NLRP5: variants seen among roughly 807,000 people sequenced by gnomAD.
The protein encoded by NLRP5 is NLR family pyrin domain containing 5.
A neutral mutation model predicts 113.1 loss-of-function variants in NLRP5; 93 were observed. The ratio of observed to expected loss-of-function variants is 0.82; its 90% CI spans 0.70 to 0.98. The LOEUF is 0.98. Ranked by LOEUF, NLRP5 falls within the 50% of genes least tolerant of loss-of-function variation. The pLI is 0.00. For missense variants in NLRP5, 1,808 were observed against 1,514.3 expected (o/e 1.19, Z -3.22); for synonymous variants, 751 against 600.7 (o/e 1.25, Z -3.66).
chr19:56,026,196 C>T (rs879525), intron 6 of NLRP5, among the ~76,000 whole-genome samples: 3,204 of 152,102 alleles, frequency 0.021, 106 homozygotes, highest in African/African-American at 0.073. Flanking sequence ...CACTGATGCT[C>T]GGTCCAGGGT....
intron 11 of NLRP5, among the ~76,000 whole-genome samples, chr19:56,049,551 T>A (rs1038068717): frequency 3.6e-4 from 54 of 152,030 alleles, no homozygotes; most frequent in African/African-American, 1.3e-3. Context: ...CTGGTGATCC[T>A]CCCGCCTTGG....
At position 56,041,191 on chromosome 19, in the gene NLRP5, C is replaced by A. The variant is rs1247932254; in HGVS notation, c.2957+99C>A. On this transcript the variant is annotated intron_variant, in intron 11 of 14. Coordinates refer to ENST00000390649, the MANE Select transcript of NLRP5 (RefSeq NM_153447.4). ...GGCAGTGGGGAGGGGGTGTGGACAT[C>A]ATCACATGAAGGGACCTGGTATATG... 8 of 1,169,960 alleles carry A rather than the reference C, an allele frequency of 6.8e-6. No individual in the cohort carries two copies. The East Asian group carries it at 1.7e-4, about 24-fold the overall frequency. 72.5% of individuals were successfully genotyped at this position (1,169,960 alleles called of 1,614,324 possible).
intron 11 of NLRP5, among the ~76,000 whole-genome samples, chr19:56,049,245 T>C (rs1983843167): frequency 2.0e-5 from 3 of 152,004 alleles, no homozygotes; most frequent in Middle Eastern, 6.8e-3. Flanking sequence ...AATGGTGCAA[T>C]CTCAGCTCAC....
Position 56,028,318 on chromosome 19 carries a change from A to G in NLRP5, c.2085A>G (p.Gln695=). ...CCTTCCACTGTCTTTTCGAGACTCA[A>G]GACAAAGAGTTTGTTCGCTTGGCAT... Residue 695 remains glutamine, a synonymous_variant, in exon 7 of 15, where the codon CAA becomes CAG. Transcript: ENST00000390649. 1 of 1,613,998 alleles carries G rather than the reference A, an allele frequency of 6.2e-7. No homozygotes were observed.
rs776938844 is a variant in NLRP5 at position 56,005,509 on chromosome 19, CAT to C, written c.442+1421_442+1422del. ...CACACGCAGGTGGCATGCCTGTACA[CAT>C]ATATATTTATACACACACACGCACA... On this transcript the variant is annotated intron_variant, in intron 2 of 14. Transcript: ENST00000390649. 1.4e-3 allele frequency among the ~76,000 whole-genome samples: 209 copies of C among 147,990 alleles called. 5 individuals are homozygous for C. The highest frequency in any genetic ancestry group is 3.0e-3 in the Admixed American group (45 of 14,784).
chr19:56,052,921 C>T (rs985840384), intron 12 of NLRP5, among the ~76,000 whole-genome samples: 4 of 152,202 alleles, frequency 2.6e-5, no homozygotes, highest in African/African-American at 9.6e-5. Context: ...GCAAACTCTG[C>T]TGTGCTCATT....
At chr19:56,015,989 G>T (rs913315797) in intron 4 of NLRP5, among the ~76,000 whole-genome samples, 191 bp downstream of exon 4, 2 of 152,070 alleles carry the variant, frequency 1.3e-5, no homozygotes, top group Non-Finnish European at 2.9e-5. Context: ...CGTTCACTAC[G>T]ATTATTTTCA....
chr19:56,005,130 T>C (rs1402283382), intron 2 of NLRP5, among the ~76,000 whole-genome samples: 1 of 144,854 alleles, frequency 6.9e-6, no homozygotes, highest in Non-Finnish European at 1.5e-5. Flanking sequence ...ATATATAATA[T>C]ATACACACAC....
Position 56,027,452 on chromosome 19 carries a change from G to C in NLRP5, c.1219G>C (p.Val407Leu). ...CCTGCTCCCTGAGTCCTTCCTGATC[G>C]TCACCGTCAGAGACGTGGGCACAGA... Residue 407 changes from valine to leucine, a missense_variant, in exon 7 of 15, where the codon GTC (valine) becomes CTC (leucine). Coordinates refer to ENST00000390649, the MANE Select transcript of NLRP5 (RefSeq NM_153447.4). 1.2e-6 allele frequency: 2 copies of C among 1,613,640 alleles called. No homozygotes were observed. Among genetic ancestry groups the C allele is most frequent in the Non-Finnish European group, 1.7e-6 (2 of 1,179,778 alleles).
At chr19:56,016,663 C>A (rs373933976) in intron 4 of NLRP5, among the ~76,000 whole-genome samples, 1 of 152,110 alleles carries the variant, frequency 6.6e-6, no homozygotes, top group South Asian at 2.1e-4. Flanking sequence ...ATTCTGAGTT[C>A]GACATTTTTA....
chr19:56,030,711 C>CTTTTTTTTTTTTTTTTTTTTTTTTTTTT lies in NLRP5; in HGVS notation c.2277-1898_2277-1897insTTTTTTTTTTTTTTTTTTTTTTTTTTTT, dbSNP rs1251579019. Among the ~76,000 whole-genome samples the CTTTTTTTTTTTTTTTTTTTTTTTTTTTT allele has an allele frequency of 6.3e-5, 3 of 47,766 alleles. 1 individual carries two copies. The highest frequency in any genetic ancestry group is 1.8e-4 in the African/African-American group (1 of 5,600). The allele number at this position is 47,766 out of a possible 152,430, so 31.3% of individuals were successfully genotyped here. ...TATACTTACATTCATTCGCTTTCTT[C>CTTTTTTTTTTTTTTTTTTTTTTTTTTTT]TTCTTTTTTTTTTTTTTTTTTGAGA... On this transcript the variant is annotated intron_variant, in intron 7 of 14. Transcript: ENST00000390649.
chr19:56,033,261 CAAA>C (rs545337812), intron 8 of NLRP5, among the ~76,000 whole-genome samples: 331 of 150,564 alleles, frequency 2.2e-3, no homozygotes, highest in African/African-American at 7.9e-3. Flanking sequence ...AAACAAAAAA[CAAA>C]AAAAAACCTT....
chr19:56,004,535 A>G (rs1005354655), intron 2 of NLRP5, among the ~76,000 whole-genome samples: 2 of 152,134 alleles, frequency 1.3e-5, no homozygotes, highest in African/African-American at 4.8e-5. Flanking sequence ...TCATTGGTTG[A>G]TAACATTGGT....
the NLRP5 span, among the ~76,000 whole-genome samples, chr19:55,990,213 C>G: frequency 6.6e-6 from 1 of 150,576 alleles, no homozygotes; most frequent in Non-Finnish European, 1.5e-5. Context: ...CTCAGCCTCC[C>G]GAGTAGCTGG....
chr19:56,010,343 C>T lies in NLRP5; in HGVS notation c.508+1490C>T, dbSNP rs139053826. 4.2e-3 allele frequency among the ~76,000 whole-genome samples: 646 copies of T among 152,260 alleles called. 4 individuals are homozygous for T. Among genetic ancestry groups the T allele is most frequent in the African/African-American group, 0.014 (596 of 41,558 alleles). The stretch of plus-strand genomic sequence containing the variant: ...AAGACCTGACTGCAGGTGTTATCCA[C>T]GTACAAAGATGAAGGCCATCAGAGA... On this transcript the variant is annotated intron_variant, in intron 3 of 14. Coordinates refer to ENST00000390649, the MANE Select transcript of NLRP5 (RefSeq NM_153447.4).
At chr19:56,047,755 A>G (rs1357516919) in intron 11 of NLRP5, among the ~76,000 whole-genome samples, 1 of 152,170 alleles carries the variant, frequency 6.6e-6, no homozygotes, top group African/African-American at 2.4e-5. Context: ...GTTCCAAAGT[A>G]TAGTTTAAAT....
In NLRP5 at chr19:56,027,674, C is replaced by G; in HGVS notation, c.1441C>G (p.Leu481Val). Residue 481 changes from leucine to valine, a missense_variant, in exon 7 of 15, where the codon CTG becomes GTG. Leu to Val is a conservative substitution (Grantham distance 32). Transcript: ENST00000390649. ...CGTGGGCTCTCTCATCTGCGTGGCC[C>G]TGCAGCTGCAGGACGTGGTGGGGGA... 2 of 1,613,446 alleles carry G rather than the reference C, an allele frequency of 1.2e-6. No homozygotes were observed. Among genetic ancestry groups the G allele is most frequent in the East Asian group, 4.5e-5 (2 of 44,882 alleles).
rs373866551 is a variant in NLRP5 at position 56,033,665 on chromosome 19, G to A, written c.2571G>A (p.Ala857=). ...TGAAGGAAGAGGATGTAAGGATGGC[G>A]TGTGAAGCCTTAAAACACCCAAAAT... Residue 857 remains alanine (A), a synonymous_variant, in exon 9 of 15, where the codon GCG becomes GCA. Coordinates refer to ENST00000390649, the MANE Select transcript of NLRP5 (RefSeq NM_153447.4). 55 of 1,613,712 alleles carry A rather than the reference G, an allele frequency of 3.4e-5. No individual in the cohort carries two copies. The highest frequency in any genetic ancestry group is 2.2e-4 in the South Asian group (20 of 91,076).
intron 9 of NLRP5, among the ~76,000 whole-genome samples, chr19:56,036,452 G>A (rs1377968927): frequency 5.3e-5 from 8 of 152,230 alleles, no homozygotes; most frequent in Non-Finnish European, 1.0e-4. Flanking sequence ...TAAATGAAAC[G>A]AGATTGTTTT....
Sources: allele counts gnomAD v4.1 joint callset (sites outside exome capture counted in the v4.1 genomes callset), GRCh38; gene constraint gnomAD v4.1.1; transcripts MANE v1.5; gene names NCBI Gene and HGNC (gene_info 2026-07-23, HGNC 2026-07-21).